The following KALRN variants were observed in gnomAD, a reference collection of about 807,000 sequenced individuals.
KALRN encodes the protein kalirin.
In KALRN, 70 loss-of-function variants were observed where a neutral mutation model predicts 353.7. The ratio of observed to expected loss-of-function variants is 0.20; its 90% CI spans 0.16 to 0.24. KALRN has a LOEUF of 0.24. Ranked by LOEUF, KALRN falls within the 10% of genes least tolerant of loss-of-function variation. The pLI is 1.00. For missense variants in KALRN, 2,791 were observed against 3,756.7 expected, an observed-to-expected ratio of 0.74 and a Z score of 6.72; for synonymous variants, 1,391 against 1,434.8, an observed-to-expected ratio of 0.97 and a Z score of 0.69.
chr3:124,650,416 G>A (rs912775504), intron 37 of KALRN, among the ~76,000 whole-genome samples: 1 of 152,160 alleles, frequency 6.6e-6, no homozygotes, highest in Non-Finnish European at 1.5e-5. Context: ...TTCAAATTTA[G>A]GTTCTTTTAC....
chr3:124,245,508 G>A (rs1406811473), intron 3 of KALRN, among the ~76,000 whole-genome samples: 2 of 151,974 alleles, frequency 1.3e-5, no homozygotes, highest in Admixed American at 1.3e-4. Flanking sequence ...ATACCCAGCA[G>A]TGGGATTGCT....
intron 15 of KALRN, among the ~76,000 whole-genome samples, chr3:124,425,215 T>A (rs373926885): frequency 6.6e-6 from 1 of 152,080 alleles, no homozygotes. Flanking sequence ...TATAATACAG[T>A]AGGGTGACTA....
intron 51 of KALRN, among the ~76,000 whole-genome samples, chr3:124,681,654 C>T (rs993627775): frequency 2.7e-4 from 19 of 70,250 alleles, no homozygotes; most frequent in South Asian, 7.4e-4. Context: ...TTTTTTTTGA[C>T]GTGGAGTCTC....
chr3:124,231,828 T>G (rs1003443745), intron 2 of KALRN, among the ~76,000 whole-genome samples: 1 of 152,196 alleles, frequency 6.6e-6, no homozygotes, highest in Non-Finnish European at 1.5e-5. Flanking sequence ...ACATTGACTT[T>G]ATCATGGGGT....
chr3:124,602,884 C>G (rs6438849), intron 34 of KALRN, among the ~76,000 whole-genome samples: 90,639 of 151,922 alleles, frequency 0.6, 27,242 homozygotes, highest in East Asian at 0.83. Context: ...TTTGTGTGTT[C>G]AGTCCTGGTT....
intron 36 of KALRN, 55 bp downstream of exon 36, chr3:124,634,008 T>G: frequency 6.9e-7 from 1 of 1,441,262 alleles, no homozygotes; most frequent in Non-Finnish European, 9.7e-7. Context: ...CGTGATTTTG[T>G]TTTTTGTGTG....
rs149455761 is a variant in KALRN at position 124,064,730 on chromosome 3, G to A, written c.73+30917G>A. Among the ~76,000 whole-genome samples, 313 of 152,242 alleles carry A rather than the reference G, an allele frequency of 2.1e-3. 1 individual carries two copies. Among genetic ancestry groups the A allele is most frequent in the African/African-American group, 6.9e-3 (287 of 41,544 alleles). On this transcript the variant is annotated intron_variant, in intron 1 of 59. Transcript: ENST00000682506. ...CTTTTAGGACAGCTTTTTGGTTTGGGGTTGGGAATCTCAAAGGTAGCTCTC... is the reference window on the plus strand; with the variant it reads ...CTTTTAGGACAGCTTTTTGGTTTGGAGTTGGGAATCTCAAAGGTAGCTCTC...
At chr3:124,392,186 G>C (rs879365660) in intron 11 of KALRN, among the ~76,000 whole-genome samples, 1 of 151,882 alleles carries the variant, frequency 6.6e-6, no homozygotes, top group Admixed American at 6.6e-5. Flanking sequence ...AGTAGCTGGG[G>C]CTACAGGCAT....
intron 15 of KALRN, 48 bp downstream of exon 15, chr3:124,423,026 G>T: frequency 1.3e-6 from 2 of 1,593,236 alleles, no homozygotes; most frequent in Non-Finnish European, 1.7e-6. Context: ...AGCCAGCTGA[G>T]CCTGACCTGG....
intron 51 of KALRN, among the ~76,000 whole-genome samples, chr3:124,688,280 T>G (rs539052019): frequency 3.0e-5 from 4 of 134,196 alleles, no homozygotes; most frequent in Non-Finnish European, 6.1e-5. Flanking sequence ...GCCACTGCAC[T>G]CCAGCATGAG....
intron 57 of KALRN, among the ~76,000 whole-genome samples, chr3:124,708,566 T>C (rs1393665728): frequency 2.0e-5 from 3 of 152,042 alleles, no homozygotes; most frequent in Non-Finnish European, 4.4e-5. Flanking sequence ...GAAATATAAA[T>C]TATCTGACAT....
At chr3:124,586,979 A>G (rs1171121935) in intron 34 of KALRN, among the ~76,000 whole-genome samples, 2 of 152,150 alleles carry the variant, frequency 1.3e-5, no homozygotes, top group African/African-American at 4.8e-5. Context: ...GTAGGCATCA[A>G]TTTGAAAACA....
intron 5 of KALRN, among the ~76,000 whole-genome samples, chr3:124,295,284 C>T (rs928230035): frequency 6.6e-6 from 1 of 152,180 alleles, no homozygotes; most frequent in African/African-American, 2.4e-5. Context: ...TTTGGAGCGC[C>T]ACCTCCAGTG....
At chr3:124,544,567 AAACT>A (rs2069411492) in intron 33 of KALRN, among the ~76,000 whole-genome samples, 1 of 152,110 alleles carries the variant, frequency 6.6e-6, no homozygotes, top group Non-Finnish European at 1.5e-5. Flanking sequence ...AAACAAAACA[AAACT>A]ATCTATATCG....
intron 10 of KALRN, among the ~76,000 whole-genome samples, chr3:124,378,343 T>C (rs1183818209): frequency 1.3e-5 from 2 of 152,140 alleles, no homozygotes; most frequent in African/African-American, 4.8e-5. Flanking sequence ...TCCTGGTCTT[T>C]GTGCTGTTGT....
chr3:124,371,743 A>G (rs1245412162), intron 10 of KALRN, among the ~76,000 whole-genome samples: 1 of 152,220 alleles, frequency 6.6e-6, no homozygotes, highest in Non-Finnish European at 1.5e-5. Flanking sequence ...AAATAAACAC[A>G]ACATGGAGAA....
chr3:124,466,487 G>C (rs2060358178), intron 25 of KALRN, among the ~76,000 whole-genome samples: 1 of 95,358 alleles, frequency 1.0e-5, no homozygotes, highest in Admixed American at 9.0e-5. Context: ...TTTGTTTTCA[G>C]CTTGCTGTTA....
Position 124,300,530 on chromosome 3 carries a change from G to C in KALRN, c.1092+1617G>C, listed in dbSNP as rs190668529. On this transcript the variant is annotated intron_variant, in intron 6 of 59. Coordinates refer to ENST00000682506, the MANE Select transcript of KALRN (RefSeq NM_001388419.1). ...AAGGACACATGCTGGACACATGCTG[G>C]CTCTGAAACTTTCCAACTAGAAGTG... Among the ~76,000 whole-genome samples, 13 of 152,272 alleles carry C rather than the reference G, an allele frequency of 8.5e-5. No homozygotes were observed. The East Asian group carries it at 2.5e-3, about 29-fold the overall frequency.
intron 33 of KALRN, among the ~76,000 whole-genome samples, chr3:124,529,563 G>C (rs946638162): frequency 2.6e-5 from 4 of 152,062 alleles, no homozygotes; most frequent in Non-Finnish European, 5.9e-5. Context: ...TAGGTTTTCA[G>C]GTAGCAAAGA....
Sources: allele counts gnomAD v4.1 joint callset (sites outside exome capture counted in the v4.1 genomes callset), GRCh38; gene constraint gnomAD v4.1.1; transcripts MANE v1.5; gene names NCBI Gene and HGNC (gene_info 2026-07-23, HGNC 2026-07-21).